Variants in EML4 observed in about 807,000 individuals in gnomAD.
EML4 encodes echinoderm microtubule-associated protein-like 4.
A neutral mutation model predicts 129.0 loss-of-function variants in EML4; 72 were observed. The ratio of observed to expected loss-of-function variants is 0.56; its 90% confidence interval spans 0.46 to 0.68. The LOEUF is 0.68. Ranked by LOEUF, EML4 falls within the 30% of genes least tolerant of loss-of-function variation. EML4 has a pLI of 0.00. For synonymous variants in EML4, 532 were observed against 405.0 expected, an observed-to-expected ratio of 1.31 and a Z score of -3.77; for missense variants, 1,363 against 1,190.6, an observed-to-expected ratio of 1.14 and a Z score of -2.13.
rs765800524 is a variant in EML4 at position 42,330,170 on chromosome 2, T to G, written c.2909T>G (p.Leu970Arg). 1.9e-5 allele frequency: 31 copies of G among 1,612,238 alleles called. No individual in the cohort carries two copies. The East Asian group carries it at 3.3e-4, about 17-fold the overall frequency. The change falls in exon 23 of 23, where the codon CTT (leucine) becomes CGT (arginine). Residue 970 changes from leucine (L) to arginine (R), a missense_variant. Physicochemically the swap from Leu to Arg is moderately radical, Grantham distance 102. Coordinates refer to ENST00000318522, the MANE Select transcript of EML4 (RefSeq NM_019063.5). ...EISKEQAKAT[L>R]LEDQQDPSPS... ...AGCAAGGAGCAGGCCAAAGCCACCC[T>G]TCTGGAGGACCAGCAAGACCCTTCG...
At chr2:42,189,577 C>G (rs560305226) in intron 1 of EML4, among the ~76,000 whole-genome samples, 23 of 152,290 alleles carry the variant, frequency 1.5e-4, no homozygotes, top group African/African-American at 5.3e-4. Flanking sequence ...GAGAACCTGT[C>G]TCAAATAAAT....
intron 2 of EML4, among the ~76,000 whole-genome samples, chr2:42,248,887 G>T (rs745869534): frequency 6.6e-6 from 1 of 152,034 alleles, no homozygotes; most frequent in Non-Finnish European, 1.5e-5. Context: ...GTTAATTACT[G>T]TATTTTCCTT....
At chr2:42,315,891 G>T in intron 17 of EML4, 71 bp from the exon 18 acceptor site, 2 of 1,154,490 alleles carry the variant, frequency 1.7e-6, no homozygotes. Context: ...AAAAAAAAAA[G>T]AAAAAGAACA....
At chr2:42,244,165 C>T (rs1203116728) in intron 1 of EML4, among the ~76,000 whole-genome samples, 3 of 141,760 alleles carry the variant, frequency 2.1e-5, no homozygotes, top group African/African-American at 8.1e-5. Context: ...GTGGCGTGAT[C>T]TCGGCTCACT....
At chr2:42,209,322 A>T (rs1317772069) in intron 1 of EML4, among the ~76,000 whole-genome samples, 1 of 152,144 alleles carries the variant, frequency 6.6e-6, no homozygotes, top group Non-Finnish European at 1.5e-5. Context: ...TTTTTCCAAG[A>T]TAATATGTTG....
At chr2:42,172,173 A>G (rs1356782317) in intron 1 of EML4, among the ~76,000 whole-genome samples, 1 of 152,114 alleles carries the variant, frequency 6.6e-6, no homozygotes, top group Non-Finnish European at 1.5e-5. Context: ...TATTAGATAG[A>G]TTCTTGAAAA....
At chr2:42,197,416 A>C (rs182056129) in intron 1 of EML4, among the ~76,000 whole-genome samples, 7,252 of 151,634 alleles carry the variant, frequency 0.048, 245 homozygotes, top group South Asian at 0.087. Flanking sequence ...AGAACCCCCC[A>C]AAAAGATAGA....
At chr2:42,315,364 A>G (rs1400937153) in intron 17 of EML4, among the ~76,000 whole-genome samples, 1 of 152,206 alleles carries the variant, frequency 6.6e-6, no homozygotes, top group East Asian at 1.9e-4. Context: ...CTTCAAGAAC[A>G]CTGATCCTGT....
At chr2:42,305,957 A>G (rs557102965) in intron 17 of EML4, among the ~76,000 whole-genome samples, 1 of 152,322 alleles carries the variant, frequency 6.6e-6, no homozygotes, top group Admixed American at 6.5e-5. Context: ...AAACATTCCA[A>G]TTTCTTCTTA....
chr2:42,282,789 G>A, intron 7 of EML4, 34 bp from the exon 8 acceptor site: 1 of 1,592,500 alleles, frequency 6.3e-7, no homozygotes, highest in Non-Finnish European at 8.6e-7. Flanking sequence ...TGAAAACTGT[G>A]TTTATTTAAA....
At chr2:42,278,838 A>T (rs544151225) in intron 6 of EML4, among the ~76,000 whole-genome samples, 7 of 152,066 alleles carry the variant, frequency 4.6e-5, no homozygotes, top group Non-Finnish European at 1.0e-4. Flanking sequence ...CGGGAGGCTG[A>T]GGCAGGAGAA....
In EML4 at chr2:42,320,139, T is replaced by C. The variant is rs1360472941; in HGVS notation, c.2154+2615T>C. The C allele has an allele frequency of 9.2e-5, 14 of 152,290 alleles. No homozygotes were observed. The East Asian group carries it at 2.7e-3, about 29-fold the overall frequency. 9.4% of individuals were successfully genotyped at this position (152,290 alleles called of 1,614,324 possible). The stretch of plus-strand genomic sequence containing the variant: ...TGGTAGAGGGCAGCTAGCTGATGCA[T>C]GGGTCCCTTAATGAATGATGACATC... On this transcript the variant is annotated intron_variant, in intron 19 of 22. Coordinates refer to ENST00000318522, the MANE Select transcript of EML4 (RefSeq NM_019063.5).
At chr2:42,270,162 T>G (rs1666288538) in intron 6 of EML4, among the ~76,000 whole-genome samples, 1 of 152,238 alleles carries the variant, frequency 6.6e-6, no homozygotes, top group Non-Finnish European at 1.5e-5. Flanking sequence ...AAGGTCTTTT[T>G]GGTAACTTTC....
In EML4 at chr2:42,330,346, C is replaced by G. The variant is rs1670041178; in HGVS notation, c.*139C>G. On this transcript the variant is annotated 3_prime_UTR_variant, in exon 23 of 23. Transcript: ENST00000318522. ...CATGTGATTTGTTTTCTTCAATAGT[C>G]TTATTTTCAGTCTCTCAAATACAGC... 3 of 788,136 alleles carry G rather than the reference C, an allele frequency of 3.8e-6. No individual in the cohort carries two copies. Among genetic ancestry groups the G allele is most frequent in the Non-Finnish European group, 6.5e-6 (3 of 463,672 alleles). The allele number at this position is 788,136 out of a possible 1,614,324, so 48.8% of individuals were successfully genotyped here. A position where few individuals can be genotyped will look rare whatever the true frequency, so the allele number is the denominator to read the frequency against.
At chr2:42,220,309 T>C (rs900089823) in intron 1 of EML4, among the ~76,000 whole-genome samples, 32 of 151,836 alleles carry the variant, frequency 2.1e-4, no homozygotes, top group Non-Finnish European at 5.9e-5. Flanking sequence ...ATTGGCCCCG[T>C]TTTTCCAACA....
intron 1 of EML4, among the ~76,000 whole-genome samples, chr2:42,184,320 G>A (rs1671119216): frequency 6.6e-6 from 1 of 151,484 alleles, no homozygotes; most frequent in Non-Finnish European, 1.5e-5. Context: ...TGCCATGTTG[G>A]TGTGCTGCAC....
chr2:42,280,361 T>C (rs568939459), intron 6 of EML4, among the ~76,000 whole-genome samples: 8 of 152,372 alleles, frequency 5.3e-5, no homozygotes, highest in African/African-American at 1.9e-4. Flanking sequence ...ACTAGGACTT[T>C]ATAGTATCAC....
At chr2:42,248,350 G>A (rs1463556057) in intron 2 of EML4, among the ~76,000 whole-genome samples, 1 of 152,024 alleles carries the variant, frequency 6.6e-6, no homozygotes, top group Non-Finnish European at 1.5e-5. Flanking sequence ...AGAAAATTCT[G>A]AAATATTTTA....
chr2:42,304,043 A>G (rs1036805555), intron 16 of EML4, among the ~76,000 whole-genome samples: 3 of 152,208 alleles, frequency 2.0e-5, no homozygotes, highest in African/African-American at 7.2e-5. Flanking sequence ...TTATGGAAAC[A>G]TTTGTGCCTC....
Sources: gnomAD v4.1 joint callset for allele counts (sites outside exome capture counted in the v4.1 genomes callset) on GRCh38, gnomAD v4.1.1 for gene constraint, MANE v1.5 for transcripts, NCBI Gene and HGNC (gene_info 2026-07-23, HGNC 2026-07-21) for gene names.